Variants in AGMO observed in about 807,000 individuals in gnomAD.
AGMO encodes the protein alkylglycerol monooxygenase.
AGMO carries 75 observed loss-of-function variants against 60.2 expected under a neutral mutation model. That is an observed-to-expected ratio of 1.25 (90% confidence interval 1.03 to 1.51). The LOEUF is 1.51. AGMO is among the 40% of genes most tolerant of loss of function. AGMO has a pLI of 0.00. For missense variants in AGMO, 763 were observed against 525.5 expected (o/e 1.45, Z -4.42); for synonymous variants, 261 against 177.1 (o/e 1.47, Z -3.76).
intron 3 of AGMO, among the ~76,000 whole-genome samples, chr7:15,446,083 A>T (rs1781690357): frequency 6.6e-6 from 1 of 152,200 alleles, no homozygotes; most frequent in Non-Finnish European, 1.5e-5. Context: ...TGTGATGAAG[A>T]TCCATTAAAT....
At chr7:15,250,582 C>T (rs1350368722) in intron 12 of AGMO, among the ~76,000 whole-genome samples, 1 of 151,590 alleles carries the variant, frequency 6.6e-6, no homozygotes, top group African/African-American at 2.4e-5. Flanking sequence ...CACACACACA[C>T]ACTCTGGTTT....
chr7:15,142,042 G>A, the AGMO span, among the ~76,000 whole-genome samples: 5 of 152,084 alleles, frequency 3.3e-5, no homozygotes, highest in African/African-American at 1.2e-4. Context: ...TGATCCATGA[G>A]GTATTCATCG....
chr7:15,217,883 ATAT>A (rs1440413229), intron 12 of AGMO, among the ~76,000 whole-genome samples: 2 of 152,008 alleles, frequency 1.3e-5, no homozygotes, highest in African/African-American at 2.4e-5. Context: ...TTTATGAGAA[ATAT>A]TATTATTTAT....
In AGMO at chr7:15,544,655, G is replaced by C. The variant is rs61306199; in HGVS notation, c.409+117C>G. 4.5e-6 allele frequency: 4 copies of C among 890,352 alleles called. No homozygotes were observed. In the African/African-American group the frequency reaches 7.4e-5, roughly 17 times the overall value. 55.2% of individuals were successfully genotyped at this position (890,352 alleles called of 1,614,324 possible). On this transcript the variant is annotated intron_variant, in intron 3 of 12. Coordinates refer to ENST00000342526, the MANE Select transcript of AGMO (RefSeq NM_001004320.2). Reference sequence around the variant, plus strand: ...ACCTTCATTATTAATTTTTATATCCGTAAAATATACTATTTTATTCCTGTA... The same window carrying C: ...ACCTTCATTATTAATTTTTATATCCCTAAAATATACTATTTTATTCCTGTA...
At chr7:15,256,374 G>C (rs1428908339) in intron 12 of AGMO, among the ~76,000 whole-genome samples, 2 of 151,994 alleles carry the variant, frequency 1.3e-5, no homozygotes, top group Admixed American at 6.6e-5. Flanking sequence ...ACGGAGTCTC[G>C]CTCTGTCGCC....
intron 3 of AGMO, among the ~76,000 whole-genome samples, chr7:15,489,183 C>T (rs1173909562): frequency 6.6e-6 from 1 of 152,040 alleles, no homozygotes; most frequent in Non-Finnish European, 1.5e-5. Flanking sequence ...ACATTACTTT[C>T]ACAATTGTCA....
chr7:15,352,378 G>A (rs2128554289), intron 12 of AGMO, among the ~76,000 whole-genome samples: 1 of 151,666 alleles, frequency 6.6e-6, no homozygotes, highest in East Asian at 1.9e-4. Context: ...CACTATCACA[G>A]TCTCACAACT....
intron 12 of AGMO, among the ~76,000 whole-genome samples, chr7:15,211,871 T>C (rs1220768094): frequency 6.6e-6 from 1 of 152,032 alleles, no homozygotes; most frequent in Admixed American, 6.6e-5. Context: ...TGAAGTATTT[T>C]TTGACAAACA....
intron 12 of AGMO, among the ~76,000 whole-genome samples, chr7:15,213,761 T>A (rs1056295164): frequency 2.6e-5 from 4 of 152,102 alleles, no homozygotes; most frequent in African/African-American, 9.6e-5. Flanking sequence ...TAGACAAAAG[T>A]ATATCCTAAT....
chr7:15,275,783 A>G (rs772392550), intron 12 of AGMO, among the ~76,000 whole-genome samples: 1 of 152,124 alleles, frequency 6.6e-6, no homozygotes, highest in African/African-American at 2.4e-5. Context: ...ATTTATCATT[A>G]TATGATGCTT....
intron 2 of AGMO, among the ~76,000 whole-genome samples, chr7:15,547,325 A>G (rs140087664): frequency 0.013 from 1,971 of 152,248 alleles, 26 homozygotes; most frequent in African/African-American, 0.043. Context: ...CAAGATGGCC[A>G]AATAGGAACA....
intron 3 of AGMO, among the ~76,000 whole-genome samples, chr7:15,485,516 T>G (rs544843609): frequency 2.5e-4 from 38 of 152,212 alleles, no homozygotes; most frequent in African/African-American, 8.7e-4. Context: ...TCAGATGAGG[T>G]CTCTGGGGTG....
At chr7:15,556,164 G>A (rs1433307233) in intron 2 of AGMO, among the ~76,000 whole-genome samples, 1 of 149,386 alleles carries the variant, frequency 6.7e-6, no homozygotes, top group African/African-American at 2.5e-5. Flanking sequence ...TTATTCTCTG[G>A]CCCCACCCCA....
chr7:15,118,876 A>ATTTTTTTTTTTTTTTTTTTTTTTT, the AGMO span, among the ~76,000 whole-genome samples: 1 of 81,732 alleles, frequency 1.2e-5, no homozygotes, highest in Non-Finnish European at 2.4e-5. Flanking sequence ...AGACGTCAGT[A>ATTTTTTTTTTTTTTTTTTTTTTTT]TTTTTTTTTT....
intron 12 of AGMO, among the ~76,000 whole-genome samples, chr7:15,228,069 A>T (rs975226127): frequency 6.6e-6 from 1 of 151,818 alleles, no homozygotes; most frequent in Non-Finnish European, 1.5e-5. Flanking sequence ...ATGCATATAA[A>T]CTCTGCTTAT....
intron 12 of AGMO, among the ~76,000 whole-genome samples, chr7:15,354,449 T>TGTGTATACA (rs1364254816): frequency 4.6e-5 from 1 of 21,756 alleles, no homozygotes; most frequent in Non-Finnish European, 7.0e-5. Context: ...TACACACGTG[T>TGTGTATACA]GTGTATACAC....
intron 8 of AGMO, among the ~76,000 whole-genome samples, chr7:15,390,051 C>A (rs996712540): frequency 2.6e-5 from 4 of 152,046 alleles, no homozygotes; most frequent in African/African-American, 9.7e-5. Flanking sequence ...TTTATGAGTG[C>A]CTAACCCCAG....
intron 10 of AGMO, among the ~76,000 whole-genome samples, chr7:15,384,677 T>G (rs1344807507): frequency 2.6e-5 from 4 of 152,172 alleles, no homozygotes; most frequent in Non-Finnish European, 5.9e-5. Context: ...AACAGCATTT[T>G]TTTAAACTCA....
At chr7:15,275,461 T>C (rs1353218636) in intron 12 of AGMO, among the ~76,000 whole-genome samples, 1 of 152,158 alleles carries the variant, frequency 6.6e-6, no homozygotes, top group Non-Finnish European at 1.5e-5. Context: ...GTCAACTTAA[T>C]CTCATGTGGT....
Sources: gnomAD v4.1 joint callset for allele counts (sites outside exome capture counted in the v4.1 genomes callset) on GRCh38, gnomAD v4.1.1 for gene constraint, MANE v1.5 for transcripts, NCBI Gene and HGNC (gene_info 2026-07-23, HGNC 2026-07-21) for gene names.